CADM1: variants seen among roughly 807,000 people sequenced by gnomAD.
The protein encoded by CADM1 is TSLC-1.
In CADM1, 15 loss-of-function variants were observed where a neutral mutation model predicts 53.1. That is an observed-to-expected ratio of 0.28 (90% CI 0.19 to 0.44). The LOEUF is 0.44. CADM1 is among the 20% of genes least tolerant of loss of function. The pLI is 1.00. For synonymous variants in CADM1, 281 were observed against 243.0 expected, an observed-to-expected ratio of 1.16 and a Z score of -1.45; for missense variants, 434 against 611.3, an observed-to-expected ratio of 0.71 and a Z score of 3.06.
chr11:115,304,384 C>G (rs1363859959), intron 1 of CADM1, among the ~76,000 whole-genome samples: 3 of 151,994 alleles, frequency 2.0e-5, no homozygotes, highest in Non-Finnish European at 2.9e-5. Context: ...CAGCAGCTCC[C>G]CGTTATGAAT....
intron 1 of CADM1, among the ~76,000 whole-genome samples, chr11:115,466,504 G>A (rs568780770): frequency 2.2e-4 from 34 of 152,276 alleles, no homozygotes; most frequent in African/African-American, 7.2e-4. Context: ...TACTTCAGTC[G>A]CTGGCTAAGG....
At chr11:115,456,943 C>CCA (rs1326264651) in intron 1 of CADM1, among the ~76,000 whole-genome samples, 1 of 152,136 alleles carries the variant, frequency 6.6e-6, no homozygotes. Context: ...AAATGCTTTG[C>CCA]CACTGCCAGA....
chr11:115,281,636 T>C (rs558553238), intron 1 of CADM1, among the ~76,000 whole-genome samples: 9 of 152,256 alleles, frequency 5.9e-5, no homozygotes, highest in African/African-American at 2.2e-4. Context: ...TTTAGTTCTA[T>C]GAGAGTTTAA....
intron 6 of CADM1, among the ~76,000 whole-genome samples, chr11:115,215,510 C>T (rs556870743): frequency 6.6e-6 from 1 of 152,280 alleles, no homozygotes; most frequent in East Asian, 1.9e-4. Flanking sequence ...TGCAGCTCCC[C>T]AAGCTCGTGG....
At chr11:115,467,456 G>T (rs762555656) in intron 1 of CADM1, among the ~76,000 whole-genome samples, 1 of 152,194 alleles carries the variant, frequency 6.6e-6, no homozygotes, top group African/African-American at 2.4e-5. Flanking sequence ...CAGTACACAA[G>T]ATGACCACAA....
chr11:115,182,508 C>T (rs1939358238), intron 10 of CADM1, among the ~76,000 whole-genome samples: 1 of 152,210 alleles, frequency 6.6e-6, no homozygotes, highest in Admixed American at 6.5e-5. Context: ...TAACACAGTT[C>T]AACTGGAGTT....
chr11:115,184,727 G>A (rs1939463986), intron 10 of CADM1, among the ~76,000 whole-genome samples: 1 of 152,192 alleles, frequency 6.6e-6, no homozygotes, highest in Non-Finnish European at 1.5e-5. Context: ...ACGTTTCAAA[G>A]GAGCTATGTT....
rs932094477 is a variant in CADM1 at position 115,174,405 on chromosome 11, G to A, written c.*2069C>T. The A allele has an allele frequency of 3.0e-6, 3 of 985,684 alleles. No individual in the cohort carries two copies. The highest frequency in any genetic ancestry group is 1.7e-5 in the African/African-American group (1 of 57,302). 61.1% of individuals were successfully genotyped at this position (985,684 alleles called of 1,614,324 possible). A position where few individuals can be genotyped will look rare whatever the true frequency, so the allele number is the denominator to read the frequency against. On this transcript the variant is annotated 3_prime_UTR_variant, in exon 12 of 12. Coordinates refer to ENST00000331581, the MANE Select transcript of CADM1 (RefSeq NM_001301043.2). ...GGTCGGAATGGGTGCTAAGGGCTCG[G>A]AATAGAGCTGCAGATTATAAAATTC...
Position 115,491,802 on chromosome 11 carries a change from G to T in CADM1, c.124+12469C>A, listed in dbSNP as rs561770027. ...AAAGGATGAGATCATGTCCTTTGCA[G>T]GGACATGGATGAAGCTGGAAACCAT... On this transcript the variant is annotated intron_variant, in intron 1 of 11. Transcript: ENST00000331581. 1.2e-4 allele frequency among the ~76,000 whole-genome samples: 18 copies of T among 152,230 alleles called. No individual in the cohort carries two copies. In the East Asian group the frequency reaches 3.3e-3, roughly 28 times the overall value.
rs1474401660 is a variant in CADM1 at position 115,173,976 on chromosome 11, T to C, written c.*2498A>G. 5 of 956,580 alleles carry C rather than the reference T, an allele frequency of 5.2e-6. No individual in the cohort carries two copies. The highest frequency in any genetic ancestry group is 6.2e-6 in the Non-Finnish European group (5 of 803,742). 59.3% of individuals were successfully genotyped at this position (956,580 alleles called of 1,614,324 possible). A position where few individuals can be genotyped will look rare whatever the true frequency, so the allele number is the denominator to read the frequency against. On this transcript the variant is annotated 3_prime_UTR_variant, in exon 12 of 12. Coordinates refer to ENST00000331581, the MANE Select transcript of CADM1 (RefSeq NM_001301043.2). Reference sequence around the variant, plus strand: ...GTACAAAGTAATACTCAACAATACATTTCAAACAGTGCACTGTATACTTAA... The same window carrying C: ...GTACAAAGTAATACTCAACAATACACTTCAAACAGTGCACTGTATACTTAA...
intron 1 of CADM1, among the ~76,000 whole-genome samples, chr11:115,283,674 G>A (rs1943645212): frequency 6.6e-6 from 1 of 152,202 alleles, no homozygotes; most frequent in African/African-American, 2.4e-5. Flanking sequence ...ACAATGCAAG[G>A]CAGCAAAAAA....
intron 1 of CADM1, among the ~76,000 whole-genome samples, chr11:115,300,820 T>G (rs1250609229): frequency 6.6e-6 from 1 of 152,108 alleles, no homozygotes; most frequent in African/African-American, 2.4e-5. Flanking sequence ...TATTTAAAAC[T>G]GTGAGATATG....
rs1412563622 is a variant in CADM1, at chr11:115,172,236, T to G, written c.*4238A>C. 4 of 152,238 alleles carry G rather than the reference T, an allele frequency of 2.6e-5. No individual in the cohort carries two copies. The highest frequency in any genetic ancestry group is 9.7e-5 in the African/African-American group (4 of 41,450). The allele number at this position is 152,238 out of a possible 1,614,324, so 9.4% of individuals were successfully genotyped here. ...CCTTATTCTATCTCTCTGGGTCTTTTTATAGAGATGCAATGAATGAGTACT... is the reference window on the plus strand; with the variant it reads ...CCTTATTCTATCTCTCTGGGTCTTTGTATAGAGATGCAATGAATGAGTACT... On this transcript the variant is annotated 3_prime_UTR_variant, in exon 12 of 12. Transcript: ENST00000331581.
At chr11:115,187,879 C>CT (rs1448013355) in intron 10 of CADM1, among the ~76,000 whole-genome samples, 2 of 152,196 alleles carry the variant, frequency 1.3e-5, no homozygotes, top group Non-Finnish European at 2.9e-5. Flanking sequence ...CCCATGCTTT[C>CT]TTTTTTGGAT....
intron 1 of CADM1, among the ~76,000 whole-genome samples, chr11:115,471,375 A>G (rs1204381333): frequency 1.3e-5 from 2 of 152,210 alleles, no homozygotes; most frequent in African/African-American, 4.8e-5. Flanking sequence ...GCCTCGAGGA[A>G]GTGAATTTTG....
chr11:115,265,558 C>A (rs1338543959), intron 1 of CADM1, among the ~76,000 whole-genome samples: 1 of 152,196 alleles, frequency 6.6e-6, no homozygotes, highest in African/African-American at 2.4e-5. Flanking sequence ...GTGTTCATCC[C>A]TCATAAAATC....
In CADM1 at chr11:115,175,944, C is replaced by T. The variant is rs1939007877; in HGVS notation, c.*530G>A. The T allele has an allele frequency of 1.8e-5, 18 of 1,019,186 alleles. No homozygotes were observed. Among genetic ancestry groups the T allele is most frequent in the Non-Finnish European group, 2.1e-5 (18 of 850,624 alleles). 63.1% of individuals were successfully genotyped at this position (1,019,186 alleles called of 1,614,324 possible). Reference sequence around the variant, plus strand: ...TAAATTCTGAACTATGAAATCTAAGCTGTGCTGGTTCTCCTTTTATGAAAC... The same window carrying T: ...TAAATTCTGAACTATGAAATCTAAGTTGTGCTGGTTCTCCTTTTATGAAAC... On this transcript the variant is annotated 3_prime_UTR_variant, in exon 12 of 12. Coordinates refer to ENST00000331581, the MANE Select transcript of CADM1 (RefSeq NM_001301043.2).
chr11:115,435,233 T>C (rs1948156917), intron 1 of CADM1, among the ~76,000 whole-genome samples: 1 of 152,068 alleles, frequency 6.6e-6, no homozygotes, highest in Admixed American at 6.6e-5. Flanking sequence ...ATGGTAAAGC[T>C]TCCAATTAAG....
At position 115,295,959 on chromosome 11, in the gene CADM1, T is replaced by C. The variant is rs563684968; in HGVS notation, c.125-55539A>G. ...AAGGCATTTTCTTTCTTTTCTTATA[T>C]ATTTTTTAAGAAACAGGGTCTCACT... On this transcript the variant is annotated intron_variant, in intron 1 of 11. Transcript: ENST00000331581. Among the ~76,000 whole-genome samples the C allele has an allele frequency of 6.6e-5, 10 of 152,308 alleles. No homozygotes were observed. The South Asian group carries it at 1.2e-3, about 19-fold the overall frequency.
Sources: gnomAD v4.1 joint callset for allele counts (sites outside exome capture counted in the v4.1 genomes callset) on GRCh38, gnomAD v4.1.1 for gene constraint, MANE v1.5 for transcripts, NCBI Gene and HGNC (gene_info 2026-07-23, HGNC 2026-07-21) for gene names.